NRAP: variants seen among roughly 807,000 people sequenced by gnomAD.
NRAP encodes the protein nebulin related anchoring protein, also known as nebulin-related-anchoring protein.
A neutral mutation model predicts 225.9 loss-of-function variants in NRAP; 189 were observed. That is an observed-to-expected ratio of 0.84 (90% CI 0.74 to 0.94). NRAP has a LOEUF of 0.94. Among genes scored for constraint, NRAP ranks in the 40% least tolerant of loss-of-function variants. The probability of loss-of-function intolerance (pLI) is 0.00; values close to 1 mark genes in which losing one functional copy is unlikely to be tolerated. For missense variants in NRAP, 2,176 were observed against 2,168.7 expected (o/e 1.00, Z -0.07); for synonymous variants, 769 against 790.7 (o/e 0.97, Z 0.46).
chr10:113,628,998 T>C lies in NRAP; in HGVS notation c.2064A>G (p.Ala688=). 2 of 1,613,988 alleles carry C rather than the reference T, an allele frequency of 1.2e-6. No individual in the cohort carries two copies. Among genetic ancestry groups the C allele is most frequent in the Non-Finnish European group, 1.7e-6 (2 of 1,179,854 alleles). ...QSELQYKADL[A]WMKGVGWLTE... The stretch of plus-strand genomic sequence containing the variant: ...TCAGCCACCCAACTCCCTTCATCCA[T>C]GCCAGGTCAGCCTTGTACTGCAGCT... Residue 688 remains alanine (A), a synonymous_variant, in exon 20 of 42, where the codon GCA becomes GCG. Transcript: ENST00000359988.
At chr10:113,625,697 G>A (rs1592795325) in intron 21 of NRAP, among the ~76,000 whole-genome samples, 2 of 152,146 alleles carry the variant, frequency 1.3e-5, no homozygotes, top group South Asian at 4.1e-4. Context: ...AAACGCAAAT[G>A]TTTTCTTCCC....
intron 37 of NRAP, among the ~76,000 whole-genome samples, chr10:113,596,024 C>A (rs538816037): frequency 6.6e-6 from 1 of 152,326 alleles, no homozygotes; most frequent in African/African-American, 2.4e-5. Context: ...GTGTTTTACA[C>A]AGTAGAAGAT....
In NRAP at chr10:113,608,213, A is replaced by C. The variant is rs149353724; in HGVS notation, c.3702+201T>G. Among the ~76,000 whole-genome samples, 4 of 152,346 alleles carry C rather than the reference A, an allele frequency of 2.6e-5. No homozygotes were observed. The East Asian group carries it at 7.7e-4, about 29-fold the overall frequency. ...TGGTCTGGGATTGCACTTGGAAAGC[A>C]AGACTACAGACAATCCCAGATTCCC... is the stretch of plus-strand genomic sequence containing the variant. On this transcript the variant is annotated intron_variant, in intron 32 of 41. Transcript: ENST00000359988.
chr10:113,625,048 A>G, intron 21 of NRAP, 118 bp from the exon 22 acceptor site: 1 of 655,802 alleles, frequency 1.5e-6, no homozygotes, highest in South Asian at 1.8e-5. Flanking sequence ...AAAGTCCATT[A>G]CAAAACCCAC....
intron 32 of NRAP, among the ~76,000 whole-genome samples, chr10:113,607,243 C>CA (rs200489895): frequency 0.14 from 20,814 of 144,722 alleles, 1,734 homozygotes; most frequent in Non-Finnish European, 0.19. Flanking sequence ...AAACAAAAAA[C>CA]AAAAAAAAAT....
At chr10:113,621,794 T>G (rs1848004158) in intron 24 of NRAP, 75 bp downstream of exon 24, 5 of 1,404,564 alleles carry the variant, frequency 3.6e-6, no homozygotes, top group African/African-American at 1.4e-5. Context: ...CTGAATGGCT[T>G]AGGGAAACAC....
At chr10:113,658,512 A>G (rs1374198570) in intron 3 of NRAP, among the ~76,000 whole-genome samples, 3 of 152,194 alleles carry the variant, frequency 2.0e-5, no homozygotes, top group Non-Finnish European at 1.5e-5. Flanking sequence ...ACTAATTATA[A>G]AAGAAAAAAC....
rs183083093 is a variant in NRAP at position 113,663,225 on chromosome 10, G to A, written c.167+127C>T. The A allele has an allele frequency of 4.4e-3, 2,892 of 653,184 alleles. 14 individuals are homozygous for A. Among genetic ancestry groups the A allele is most frequent in the Non-Finnish European group, 4.4e-3 (1,616 of 363,556 alleles). 40.5% of individuals were successfully genotyped at this position (653,184 alleles called of 1,614,324 possible). On this transcript the variant is annotated intron_variant, in intron 2 of 41. Coordinates refer to ENST00000359988, the MANE Select transcript of NRAP (RefSeq NM_198060.4). ...AGGTCTCTTTAATGACAGGATACAA[G>A]GGAACACTTTGGGAGAAGATATTTC...
intron 20 of NRAP, among the ~76,000 whole-genome samples, chr10:113,627,513 G>T (rs901082733): frequency 6.6e-6 from 1 of 152,164 alleles, no homozygotes; most frequent in Admixed American, 6.5e-5. Flanking sequence ...CAAGACAGAC[G>T]GGGCTCTGAT....
intron 23 of NRAP, 54 bp downstream of exon 23, chr10:113,623,475 G>T (rs574841623): frequency 1.8e-6 from 2 of 1,116,998 alleles, no homozygotes; most frequent in Non-Finnish European, 2.7e-6. Context: ...GAATCTCCCC[G>T]GTATAAAAAG....
chr10:113,637,842 A>G (rs1365423649), intron 14 of NRAP, among the ~76,000 whole-genome samples: 4 of 152,020 alleles, frequency 2.6e-5, no homozygotes. Context: ...GAATTGCTTG[A>G]ACCCGGGAGG....
At chr10:113,657,840 C>T (rs902060379) in intron 3 of NRAP, among the ~76,000 whole-genome samples, 1 of 152,168 alleles carries the variant, frequency 6.6e-6, no homozygotes, top group Admixed American at 6.6e-5. Flanking sequence ...TATAAACCTA[C>T]CACACAATAC....
rs1845809612 is a variant in NRAP, at chr10:113,589,494, A to T, written c.5088+172T>A. 4 of 721,526 alleles carry T rather than the reference A, an allele frequency of 5.5e-6. No homozygotes were observed. The Admixed American group carries it at 1.2e-4, about 21-fold the overall frequency. The allele number at this position is 721,526 out of a possible 1,614,324, so 44.7% of individuals were successfully genotyped here. A position where few individuals can be genotyped will look rare whatever the true frequency, so the allele number is the denominator to read the frequency against. ...CTGCAGGAAGTTTAACCTGCGTGTC[A>T]TCTGCCTGGTCATCTCAGACCCATG... On this transcript the variant is annotated intron_variant, in intron 41 of 41. Transcript: ENST00000359988.
intron 18 of NRAP, among the ~76,000 whole-genome samples, chr10:113,630,998 G>A (rs566440260): frequency 6.6e-6 from 1 of 152,226 alleles, no homozygotes; most frequent in East Asian, 1.9e-4. Context: ...ATTTACCAAG[G>A]TTCCTCTCCA....
intron 3 of NRAP, among the ~76,000 whole-genome samples, chr10:113,658,430 G>A (rs1040638449): frequency 5.3e-5 from 8 of 152,100 alleles, no homozygotes; most frequent in African/African-American, 1.9e-4. Flanking sequence ...TAGATTAATT[G>A]GGGGAAAACT....
Position 113,590,704 on chromosome 10 carries a change from A to G in NRAP, c.4830T>C (p.Leu1610=), listed in dbSNP as rs1845922312. The change falls in exon 40 of 42, where the codon CTT becomes CTC. Residue 1610 remains leucine, a synonymous_variant. Transcript: ENST00000359988. ...CCAGCTGCTGGCTCCTCTTGGCCTG[A>G]AGGAGGCCGGGCTGGTCTGTGCTGC... The part of the protein sequence containing the change: ...FHSSTDQPGL[L]QAKRSQQLAS... 4.3e-6 allele frequency: 7 copies of G among 1,614,150 alleles called. No individual in the cohort carries two copies. Among genetic ancestry groups the G allele is most frequent in the Non-Finnish European group, 5.1e-6 (6 of 1,180,024 alleles).
intron 34 of NRAP, 67 bp from the exon 35 acceptor site, chr10:113,604,987 C>T: frequency 6.5e-7 from 1 of 1,529,744 alleles, no homozygotes; most frequent in Non-Finnish European, 8.9e-7. Flanking sequence ...AGAAAAATCA[C>T]TTGTTCTTAC....
In NRAP at chr10:113,617,483, G is replaced by T. The variant is rs1375934214; in HGVS notation, c.2945C>A (p.Ala982Asp). 2 of 1,608,658 alleles carry T rather than the reference G, an allele frequency of 1.2e-6. No individual in the cohort carries two copies. The highest frequency in any genetic ancestry group is 2.2e-5 in the East Asian group (1 of 44,844). The change falls in exon 26 of 42, where the codon GCC becomes GAC. Residue 982 changes from alanine to aspartate, a missense_variant. By Grantham distance (126) the Ala-to-Asp change is moderately radical. This residue lies in a region of NRAP where 1,708 missense variants were observed against 1,695.5 expected (regional missense o/e 1.01). Transcript: ENST00000359988. ...SIKDTPEMVQ[A>D]RISYTQAVDR... ...CACTGCTTGGGTATAACTAATTCTG[G>T]CCTGGACCATCTCCGGAGTGTCTTT...
At chr10:113,652,606 AAAATAAAATAAAAATAAAAATAAAT>A (rs1684666663) in intron 6 of NRAP, among the ~76,000 whole-genome samples, 1 of 151,886 alleles carries the variant, frequency 6.6e-6, no homozygotes, top group Non-Finnish European at 1.5e-5. Flanking sequence ...AATAAAAATA[AAAATAAAATAAAAATAAAAATAAAT>A]AAATAAAATA....
Sources: gnomAD v4.1 joint callset for allele counts (sites outside exome capture counted in the v4.1 genomes callset) on GRCh38, gnomAD v4.1.1 for gene constraint, gnomAD v4.1.1 regional missense constraint, MANE v1.5 for transcripts, NCBI Gene and HGNC (gene_info 2026-07-23, HGNC 2026-07-21) for gene names.